The following ARHGAP35 variants were observed in gnomAD, a reference collection of about 807,000 sequenced individuals.
ARHGAP35 encodes the protein rho GTPase-activating protein 35.
In ARHGAP35, 15 loss-of-function variants were observed where a neutral mutation model predicts 111.1. That is an observed-to-expected ratio of 0.13 (90% CI 0.09 to 0.21). The LOEUF (loss-of-function observed/expected upper bound fraction) is 0.21, where lower values mean the gene tolerates loss of function less well. ARHGAP35 is among the 10% of genes least tolerant of loss of function. The pLI, the probability that ARHGAP35 is intolerant of heterozygous loss-of-function variation, is 1.00. For synonymous variants in ARHGAP35, 643 were observed against 710.3 expected (o/e 0.91, Z 1.51); for missense variants, 1,262 against 1,873.0 (o/e 0.67, Z 6.02).
intron 3 of ARHGAP35, among the ~76,000 whole-genome samples, chr19:46,982,857 C>T (rs2056628045): frequency 6.6e-6 from 1 of 151,360 alleles, no homozygotes. Context: ...CCAACCTGGG[C>T]AACAAAGTGA....
At chr19:46,971,174 G>A (rs1453268865) in intron 3 of ARHGAP35, among the ~76,000 whole-genome samples, 3 of 152,144 alleles carry the variant, frequency 2.0e-5, no homozygotes, top group Admixed American at 1.3e-4. Flanking sequence ...TTGGGAGGCC[G>A]AGGCAGGCAG....
intron 1 of ARHGAP35, among the ~76,000 whole-genome samples, chr19:46,870,884 G>A (rs370051984): frequency 2.1e-4 from 32 of 152,152 alleles, no homozygotes; most frequent in African/African-American, 6.7e-4. Flanking sequence ...AGAAAAGTAC[G>A]TAAATCTTAA....
chr19:46,889,700 G>A (rs1223755086), intron 1 of ARHGAP35, among the ~76,000 whole-genome samples: 3 of 133,460 alleles, frequency 2.2e-5, no homozygotes, highest in East Asian at 2.2e-4. Context: ...GCAGTGAGCC[G>A]AGATCCCGCC....
At chr19:46,959,909 G>A (rs2056467688) in intron 3 of ARHGAP35, among the ~76,000 whole-genome samples, 1 of 151,658 alleles carries the variant, frequency 6.6e-6, no homozygotes, top group Non-Finnish European at 1.5e-5. Flanking sequence ...ACCAGCCTGG[G>A]CAACATAGCA....
intron 1 of ARHGAP35, among the ~76,000 whole-genome samples, chr19:46,870,595 T>A (rs1357770710): frequency 2.0e-5 from 3 of 151,468 alleles, no homozygotes; most frequent in African/African-American, 4.9e-5. Context: ...AAAAAAAAAA[T>A]TTCTTCCTCT....
rs537257705 is a variant in ARHGAP35 at position 46,961,401 on chromosome 19, C to T, written c.3826+23993C>T. 2.0e-5 allele frequency among the ~76,000 whole-genome samples: 3 copies of T among 152,200 alleles called. No homozygotes were observed. In the South Asian group the frequency reaches 6.2e-4, roughly 32 times the overall value. On this transcript the variant is annotated intron_variant, in intron 3 of 6. Transcript: ENST00000672722. ...GGATAGGTACATTTTATATTTTAAA[C>T]AATATTGCCAAAATGCTCTCCAGTA... is the stretch of plus-strand genomic sequence containing the variant.
Position 46,900,768 on chromosome 19 carries a change from G to GAA in ARHGAP35, c.-188-17711_-188-17710dup, listed in dbSNP as rs11373507. On this transcript the variant is annotated intron_variant, in intron 1 of 6. Coordinates refer to ENST00000672722, the MANE Select transcript of ARHGAP35 (RefSeq NM_004491.5). Reference sequence around the variant, plus strand: ...AATTTAATGAGAAATAGAAATTAAAGAAAAAAAAAACATTCCTCGGCCTTA... The same window carrying GAA: ...AATTTAATGAGAAATAGAAATTAAAGAAAAAAAAAAAACATTCCTCGGCCTTA... Among the ~76,000 whole-genome samples the GAA allele has an allele frequency of 7.4e-3, 1,110 of 150,026 alleles. 8 individuals are homozygous for GAA. Among genetic ancestry groups the GAA allele is most frequent in the Middle Eastern group, 0.021 (6 of 288 alleles).
Position 47,003,206 on chromosome 19 carries a change from G to A in ARHGAP35, c.*2518G>A, listed in dbSNP as rs1436878648. 6.6e-6 allele frequency: 1 copy of A among 152,294 alleles called. No homozygotes were observed. 9.4% of individuals were successfully genotyped at this position (152,294 alleles called of 1,614,324 possible). A position where few individuals can be genotyped will look rare whatever the true frequency, so the allele number is the denominator to read the frequency against. On this transcript the variant is annotated 3_prime_UTR_variant, in exon 7 of 7. Transcript: ENST00000672722. Reference sequence around the variant, plus strand: ...GGTCAGGGAAGCGTGCAGCCCAAATGGGCACTTGCATGGGAGCCACAGAGG... The same window carrying A: ...GGTCAGGGAAGCGTGCAGCCCAAATAGGCACTTGCATGGGAGCCACAGAGG...
intron 2 of ARHGAP35, among the ~76,000 whole-genome samples, chr19:46,929,449 G>A (rs1233469708): frequency 6.6e-6 from 1 of 152,122 alleles, no homozygotes; most frequent in African/African-American, 2.4e-5. Flanking sequence ...GTTACAGTTA[G>A]TCCATAGTAT....
chr19:46,867,534 A>G (rs556110592), intron 1 of ARHGAP35, among the ~76,000 whole-genome samples: 1 of 152,294 alleles, frequency 6.6e-6, no homozygotes, highest in East Asian at 1.9e-4. Flanking sequence ...CAGTTCCTTC[A>G]TTTGAAAAAT....
chr19:46,876,764 A>G (rs767627600), intron 1 of ARHGAP35, among the ~76,000 whole-genome samples: 2 of 152,084 alleles, frequency 1.3e-5, no homozygotes, highest in East Asian at 1.9e-4. Context: ...CAGCCTCCCA[A>G]AGTGCTGGGA....
At chr19:46,894,696 T>TCA (rs1439386253) in intron 1 of ARHGAP35, among the ~76,000 whole-genome samples, 1 of 152,174 alleles carries the variant, frequency 6.6e-6, no homozygotes, top group Non-Finnish European at 1.5e-5. Context: ...TCTGCCCGCC[T>TCA]CAGCCTCCCA....
chr19:46,880,972 G>GGAGT (rs1214019470), intron 1 of ARHGAP35, among the ~76,000 whole-genome samples: 28 of 132,322 alleles, frequency 2.1e-4, no homozygotes, highest in Non-Finnish European at 3.3e-4. Flanking sequence ...TTTTTGAGAT[G>GGAGT]GAGTCTCTGT....
intron 1 of ARHGAP35, among the ~76,000 whole-genome samples, chr19:46,905,562 C>T (rs117163576): frequency 2.7e-5 from 4 of 147,596 alleles, no homozygotes; most frequent in Admixed American, 1.3e-4. Flanking sequence ...TCCACCCCCC[C>T]CCCCCAAGAC....
At chr19:46,930,327 T>A (rs1346287550) in intron 2 of ARHGAP35, among the ~76,000 whole-genome samples, 2 of 151,466 alleles carry the variant, frequency 1.3e-5, no homozygotes, top group Admixed American at 6.6e-5. Flanking sequence ...ACCATTGCAC[T>A]CCAGCCTGGG....
At chr19:46,952,229 G>T (rs1277527626) in intron 3 of ARHGAP35, among the ~76,000 whole-genome samples, 1 of 152,070 alleles carries the variant, frequency 6.6e-6, no homozygotes, top group African/African-American at 2.4e-5. Context: ...ATTATTTTTA[G>T]AATAGAATAT....
chr19:47,004,326 T>A lies in ARHGAP35; in HGVS notation c.*3638T>A, dbSNP rs1282565333. On this transcript the variant is annotated 3_prime_UTR_variant, in exon 7 of 7. Transcript: ENST00000672722. ...CGGCCGCGGTGCGGTCGGTGCAGCG[T>A]GGCCAATGCGCGGCGCGCGCGGGGG... 6.6e-6 allele frequency: 1 copy of A among 151,728 alleles called. No homozygotes were observed. The highest frequency in any genetic ancestry group is 1.5e-5 in the Non-Finnish European group (1 of 67,950). The allele number at this position is 151,728 out of a possible 1,614,324, so 9.4% of individuals were successfully genotyped here. A position where few individuals can be genotyped will look rare whatever the true frequency, so the allele number is the denominator to read the frequency against.
In ARHGAP35 at chr19:46,979,895, G is replaced by A. The variant is rs147137926; in HGVS notation, c.3827-8094G>A. Among the ~76,000 whole-genome samples, 27 of 152,238 alleles carry A rather than the reference G, an allele frequency of 1.8e-4. No individual in the cohort carries two copies. The East Asian group carries it at 3.3e-3, about 19-fold the overall frequency. On this transcript the variant is annotated intron_variant, in intron 3 of 6. Transcript: ENST00000672722. ...GGGGCAGGGGAGGGACAGAGGACCC[G>A]AGTGTTCAAGGAGGAGAGCAGCCAG...
At position 46,915,751 on chromosome 19, in the gene ARHGAP35, T is replaced by C. The variant is rs181431143; in HGVS notation, c.-188-2737T>C. 2.8e-4 allele frequency among the ~76,000 whole-genome samples: 43 copies of C among 152,272 alleles called. No individual in the cohort carries two copies. In the East Asian group the frequency reaches 7.7e-3, roughly 27 times the overall value. ...CAGGTTCAGTGCTTGCACAGTTATA[T>C]TGGAGTATCTAAGTAAACTGAAGTG... On this transcript the variant is annotated intron_variant, in intron 1 of 6. Coordinates refer to ENST00000672722, the MANE Select transcript of ARHGAP35 (RefSeq NM_004491.5).
Sources: allele counts gnomAD v4.1 joint callset (sites outside exome capture counted in the v4.1 genomes callset), GRCh38; gene constraint gnomAD v4.1.1; transcripts MANE v1.5; gene names NCBI Gene and HGNC (gene_info 2026-07-23, HGNC 2026-07-21).